Variants in TEX9 observed in about 807,000 individuals in gnomAD.
TEX9 encodes testis expressed 9.
In TEX9, 74 loss-of-function variants were observed where a neutral mutation model predicts 59.6. The ratio of observed to expected loss-of-function variants is 1.24; its 90% CI spans 1.03 to 1.51. TEX9 has a LOEUF of 1.51. TEX9 is among the 40% of genes most tolerant of loss of function. TEX9 has a pLI of 0.00. For missense variants in TEX9, 522 were observed against 447.8 expected, an observed-to-expected ratio of 1.17 and a Z score of -1.49; for synonymous variants, 186 against 152.2, an observed-to-expected ratio of 1.22 and a Z score of -1.64.
At chr15:56,369,549 G>C (rs2047096706) in intron 2 of TEX9, among the ~76,000 whole-genome samples, 1 of 151,948 alleles carries the variant, frequency 6.6e-6, no homozygotes, top group Admixed American at 6.6e-5. Context: ...TGCCCAGGCT[G>C]GTCTTTAACT....
At chr15:56,419,062 T>C (rs1422625166) in intron 10 of TEX9, among the ~76,000 whole-genome samples, 1 of 151,926 alleles carries the variant, frequency 6.6e-6, no homozygotes, top group Non-Finnish European at 1.5e-5. Context: ...CCTTCTTCAA[T>C]TTTTCCAAGC....
Position 56,339,812 on chromosome 15 carries a change from G to A in TEX9, c.-106-33629G>A, listed in dbSNP as rs1175304672. Among the ~76,000 whole-genome samples the A allele has an allele frequency of 2.0e-5, 3 of 151,978 alleles. No homozygotes were observed. In the East Asian group the frequency reaches 5.8e-4, roughly 29 times the overall value. ...GTGCCCTTATAAAAGATTCTGGAGA[G>A]CTCCCTCACCCCTTCTGACTTGTGA... On this transcript the variant is annotated intron_variant, in intron 1 of 5. Coordinates refer to the TEX9 transcript ENST00000560827.
chr15:56,285,570 CT>C (rs1285672204), intron 1 of TEX9, among the ~76,000 whole-genome samples: 2 of 152,136 alleles, frequency 1.3e-5, no homozygotes, highest in African/African-American at 2.4e-5. Flanking sequence ...CCAAAAGTGG[CT>C]TTGATATTGT....
intron 10 of TEX9, among the ~76,000 whole-genome samples, chr15:56,421,123 A>C (rs75060875): frequency 6.6e-6 from 1 of 151,824 alleles, no homozygotes; most frequent in South Asian, 2.1e-4. Flanking sequence ...TGTTCTATCA[A>C]TGATCAAGAG....
chr15:56,413,842 T>C (rs1476798805), intron 10 of TEX9, among the ~76,000 whole-genome samples: 1 of 151,756 alleles, frequency 6.6e-6, no homozygotes. Flanking sequence ...CCTTGATACA[T>C]CCTCTAACAT....
chr15:56,344,019 A>C (rs886652371), intron 1 of TEX9, among the ~76,000 whole-genome samples: 1 of 152,162 alleles, frequency 6.6e-6, no homozygotes, highest in Non-Finnish European at 1.5e-5. Context: ...GACAATAACA[A>C]ATGTTAGCGA....
At chr15:56,426,740 G>C (rs2050300346) in intron 10 of TEX9, among the ~76,000 whole-genome samples, 1 of 149,568 alleles carries the variant, frequency 6.7e-6, no homozygotes, top group East Asian at 2.0e-4. Flanking sequence ...TTTCCTTCTG[G>C]TATCATTTTC....
intron 9 of TEX9, among the ~76,000 whole-genome samples, chr15:56,406,431 G>T (rs1450039202): frequency 2.0e-5 from 3 of 152,126 alleles, no homozygotes; most frequent in African/African-American, 4.8e-5. Context: ...CAAGTATTCT[G>T]TGTGAACACG....
At chr15:56,458,260 A>G in the TEX9 span, among the ~76,000 whole-genome samples, 5 of 152,286 alleles carry the variant, frequency 3.3e-5, no homozygotes, top group East Asian at 3.9e-4. Flanking sequence ...TTGTGTATCT[A>G]TCACCACTAT....
chr15:56,438,126 A>G (rs1331841811), intron 12 of TEX9, among the ~76,000 whole-genome samples: 3 of 152,218 alleles, frequency 2.0e-5, no homozygotes, highest in African/African-American at 7.2e-5. Flanking sequence ...TTTAAAATTC[A>G]TATGGAACCA....
At chr15:56,252,167 C>T (rs1246573030) in intron 1 of TEX9, among the ~76,000 whole-genome samples, 2 of 152,056 alleles carry the variant, frequency 1.3e-5, no homozygotes, top group Non-Finnish European at 2.9e-5. Flanking sequence ...CCTTGTACAG[C>T]CTTATGTCAT....
intron 9 of TEX9, 136 bp from the exon 10 acceptor site, chr15:56,412,166 C>A: frequency 1.4e-6 from 1 of 737,550 alleles, no homozygotes; most frequent in South Asian, 2.5e-5. Context: ...CAGCCTCTAC[C>A]CCCAAGCGTG....
intron 1 of TEX9, among the ~76,000 whole-genome samples, chr15:56,350,312 A>G (rs907232076): frequency 9.9e-5 from 15 of 152,246 alleles, no homozygotes; most frequent in Non-Finnish European, 2.2e-4. Flanking sequence ...ACAGTGTTCA[A>G]GGGCACATGT....
chr15:56,377,709 A>T (rs1372466659), intron 3 of TEX9, among the ~76,000 whole-genome samples: 1 of 152,050 alleles, frequency 6.6e-6, no homozygotes, highest in African/African-American at 2.4e-5. Context: ...CTTCCTTCTG[A>T]TTTGGATGCC....
At chr15:56,365,456 G>T (rs368536252) in exon 1 of TEX9, 11 of 1,610,118 alleles carry the variant, frequency 6.8e-6, no homozygotes, top group East Asian at 2.2e-5. Context: ...CGAAGATGGC[G>T]GGGCGAAGTC....
intron 4 of TEX9, among the ~76,000 whole-genome samples, chr15:56,387,487 TTATC>T (rs1208133520): frequency 2.0e-5 from 3 of 151,934 alleles, no homozygotes; most frequent in Non-Finnish European, 2.9e-5. Context: ...AGAGGTTTAT[TTATC>T]TAAGTATATC....
chr15:56,415,343 G>A (rs1051073249), intron 10 of TEX9, among the ~76,000 whole-genome samples: 4 of 151,798 alleles, frequency 2.6e-5, no homozygotes, highest in Admixed American at 6.6e-5. Context: ...TGCCTAGGTT[G>A]TCTTCCAGGG....
At chr15:56,280,972 G>A (rs1170928826) in intron 1 of TEX9, among the ~76,000 whole-genome samples, 2 of 152,108 alleles carry the variant, frequency 1.3e-5, no homozygotes, top group African/African-American at 4.8e-5. Context: ...GGGATTTAAT[G>A]AATTTAAGAT....
chr15:56,458,525 A>G, the TEX9 span, among the ~76,000 whole-genome samples: 3 of 152,082 alleles, frequency 2.0e-5, no homozygotes, highest in East Asian at 5.8e-4. Flanking sequence ...TACACATTCT[A>G]TGGGTTTTGG....
Sources: allele counts gnomAD v4.1 joint callset (sites outside exome capture counted in the v4.1 genomes callset), GRCh38; gene constraint gnomAD v4.1.1; transcripts MANE v1.5; gene names NCBI Gene and HGNC (gene_info 2026-07-23, HGNC 2026-07-21).